SPTBN4: variants seen among roughly 807,000 people sequenced by gnomAD.
SPTBN4 encodes the protein spectrin beta, non-erythrocytic 4.
A neutral mutation model predicts 277.8 loss-of-function variants in SPTBN4; 96 were observed. The ratio of observed to expected loss-of-function variants is 0.35; its 90% CI spans 0.29 to 0.41. SPTBN4 has a LOEUF of 0.41. SPTBN4 is among the 10% of genes least tolerant of loss of function. SPTBN4 has a pLI of 1.00. For missense variants in SPTBN4, 3,006 were observed against 3,595.7 expected (o/e 0.84, Z 4.19); for synonymous variants, 1,481 against 1,580.3 (o/e 0.94, Z 1.49).
chr19:40,537,332 A>G (rs1231367684), intron 20 of SPTBN4, among the ~76,000 whole-genome samples: 1 of 152,200 alleles, frequency 6.6e-6, no homozygotes, highest in African/African-American at 2.4e-5. Context: ...TCATGTCTAG[A>G]ATAGAAGAGA....
In SPTBN4 at chr19:40,570,618, C is replaced by G. The variant is rs1599825691; in HGVS notation, c.7209C>G (p.Ala2403=). The G allele has an allele frequency of 1.4e-6, 2 of 1,460,998 alleles. No individual in the cohort carries two copies. Among genetic ancestry groups the G allele is most frequent in the South Asian group, 1.4e-5 (1 of 74,004 alleles). 90.5% of individuals were successfully genotyped at this position (1,460,998 alleles called of 1,614,324 possible). ...GGSRRSRSAP[A]QGGSAPAPPP... is the part of the protein sequence containing the mutation. The stretch of plus-strand genomic sequence containing the variant: ...GCCGGCGCTCGCGCTCCGCCCCGGC[C>G]CAGGGCGGCTCCGCCCCCGCGCCTC... The change falls in exon 33 of 36, where the codon GCC becomes GCG. Residue 2403 remains alanine (A), a synonymous_variant. Transcript: ENST00000598249.
rs897146250 is a variant in SPTBN4, at chr19:40,534,107, C to T, written c.4123C>T (p.Pro1375Ser). The change falls in exon 20 of 36, where the codon CCC becomes TCC. Residue 1375 changes from proline (P) to serine (S), a missense_variant. By Grantham distance (74) the Pro-to-Ser change is moderately conservative (BLOSUM62 -1). Coordinates refer to ENST00000598249, the MANE Select transcript of SPTBN4 (RefSeq NM_020971.3). Reference sequence around the variant, plus strand: ...GGGCCAGCAACTGATGCAGGAGAAGCCCGAACTGGCGGCCTCCGTGCGGAA... The same window carrying T: ...GGGCCAGCAACTGATGCAGGAGAAGTCCGAACTGGCGGCCTCCGTGCGGAA... ...REGQQLMQEK[P>S]ELAASVRKKL... is the part of the protein sequence containing the mutation. 2 of 1,607,452 alleles carry T rather than the reference C, an allele frequency of 1.2e-6. No homozygotes were observed. Among genetic ancestry groups the T allele is most frequent in the Non-Finnish European group, 1.7e-6 (2 of 1,175,182 alleles).
At position 40,570,251 on chromosome 19, in the gene SPTBN4, A is replaced by G. The variant is rs531298740; in HGVS notation, c.7027-185A>G. On this transcript the variant is annotated intron_variant, in intron 32 of 35. Transcript: ENST00000598249. ...AGATTCCAAACCAATGAGTCCTAAC[A>G]GACTCACTCCCAAGACCCATGGGGC... 2.1e-4 allele frequency among the ~76,000 whole-genome samples: 31 copies of G among 151,132 alleles called. No individual in the cohort carries two copies. The South Asian group carries it at 6.5e-3, about 32-fold the overall frequency.
chr19:40,495,733 C>T (rs984619755), intron 6 of SPTBN4, among the ~76,000 whole-genome samples: 2 of 152,042 alleles, frequency 1.3e-5, no homozygotes, highest in African/African-American at 4.8e-5. Flanking sequence ...CCCTGTACAC[C>T]CACGGATTCA....
At chr19:40,493,447 T>C (rs1162007621) in intron 5 of SPTBN4, among the ~76,000 whole-genome samples, 2 of 152,226 alleles carry the variant, frequency 1.3e-5, no homozygotes, top group African/African-American at 2.4e-5. Flanking sequence ...CAGTGTCTCA[T>C]GCCTGTCACT....
At chr19:40,538,812 A>T (rs1385281790) in intron 20 of SPTBN4, among the ~76,000 whole-genome samples, 1 of 151,718 alleles carries the variant, frequency 6.6e-6, no homozygotes, top group African/African-American at 2.4e-5. Context: ...CTGGTCTCAA[A>T]CTCCTGGCCT....
intron 20 of SPTBN4, among the ~76,000 whole-genome samples, chr19:40,538,509 C>G (rs2080764216): frequency 6.6e-6 from 1 of 152,220 alleles, no homozygotes; most frequent in South Asian, 2.1e-4. Flanking sequence ...CCTTTGTCAG[C>G]CAGGGCTGGC....
At chr19:40,472,823 G>A in intron 2 of SPTBN4, 33 bp downstream of exon 2, 8 of 1,508,180 alleles carry the variant, frequency 5.3e-6, no homozygotes, top group Non-Finnish European at 6.3e-6. Context: ...GGGATGAGGA[G>A]GAGGGGGAAG....
At chr19:40,516,589 C>T (rs1407679386) in intron 15 of SPTBN4, among the ~76,000 whole-genome samples, 1 of 152,100 alleles carries the variant, frequency 6.6e-6, no homozygotes, top group African/African-American at 2.4e-5. Flanking sequence ...TTTGGGAGGC[C>T]AAGGCAGGTG....
rs769738560 is a variant in SPTBN4 at position 40,554,788 on chromosome 19, G to T, written c.5084+142G>T. ...GTGCTGGAGCCCTCGAATTTGGCAAGTGGGCGGGCCGGAATGGGGGGACAC... is the reference window on the plus strand; with the variant it reads ...GTGCTGGAGCCCTCGAATTTGGCAATTGGGCGGGCCGGAATGGGGGGACAC... On this transcript the variant is annotated intron_variant, in intron 24 of 35. Transcript: ENST00000598249. This position sits in a 1 kb window ranked among gnomAD's most constrained non-coding sequence, Gnocchi z 5.7. 2 of 1,353,498 alleles carry T rather than the reference G, an allele frequency of 1.5e-6. No homozygotes were observed. Among genetic ancestry groups the T allele is most frequent in the Middle Eastern group, 3.6e-4 (2 of 5,574 alleles). 83.8% of individuals were successfully genotyped at this position (1,353,498 alleles called of 1,614,324 possible).
rs770193901 is a variant in SPTBN4 at position 40,532,729 on chromosome 19, C to G, written c.4053C>G (p.Ala1351=). Residue 1351 remains alanine (A), a synonymous_variant, in exon 19 of 36, where the codon GCC becomes GCG. Coordinates refer to ENST00000598249, the MANE Select transcript of SPTBN4 (RefSeq NM_020971.3). The part of the protein sequence containing the change: ...KRWLRHQAFM[A]ELAQNKEWLE... ...GGCTCCGGCACCAGGCATTCATGGC[C>G]GAGCTGGCTCAGAATAAGGAGTGGC... 5 of 1,613,384 alleles carry G rather than the reference C, an allele frequency of 3.1e-6. No individual in the cohort carries two copies. In the Admixed American group the frequency reaches 5.0e-5, roughly 16 times the overall value.
chr19:40,547,205 G>T (rs1483407935), intron 20 of SPTBN4, among the ~76,000 whole-genome samples: 1 of 128,008 alleles, frequency 7.8e-6, no homozygotes, highest in Non-Finnish European at 1.6e-5. Context: ...ACAGGCCCCG[G>T]TGTGTGATGT....
Position 40,472,911 on chromosome 19 carries a change from A to G in SPTBN4, c.169+121A>G, listed in dbSNP as rs1240080532. 3 of 1,010,110 alleles carry G rather than the reference A, an allele frequency of 3.0e-6. No homozygotes were observed. In the African/African-American group the frequency reaches 4.9e-5, roughly 16 times the overall value. 62.6% of individuals were successfully genotyped at this position (1,010,110 alleles called of 1,614,324 possible). On this transcript the variant is annotated intron_variant, in intron 2 of 35. Coordinates refer to ENST00000598249, the MANE Select transcript of SPTBN4 (RefSeq NM_020971.3). ...GCACTGTCCAATAGAACTTTCCATG[A>G]TGGTGGAAATAGTCTATATCCATAA...
chr19:40,493,141 C>A (rs2080157383), intron 5 of SPTBN4, 87 bp downstream of exon 5: 3 of 1,256,558 alleles, frequency 2.4e-6, no homozygotes, highest in African/African-American at 1.5e-5. Flanking sequence ...GCTCAAGGGG[C>A]AGCCCATGTC....
At position 40,554,306 on chromosome 19, in the gene SPTBN4, C is replaced by G. The variant is rs1385966056; in HGVS notation, c.4834C>G (p.Arg1612Gly). 3.2e-6 allele frequency: 5 copies of G among 1,543,048 alleles called. No individual in the cohort carries two copies. Among genetic ancestry groups the G allele is most frequent in the Non-Finnish European group, 4.3e-6 (5 of 1,150,716 alleles). ...AWAGLREAAERRQQVLDAAFQ... is the reference protein window; with the variant it reads ...AWAGLREAAEGRQQVLDAAFQ... ...GGCCGGACTGCGGGAGGCTGCCGAG[C>G]GACGGCAGCAGGTGCTGGACGCCGC... The change falls in exon 23 of 36, where the codon CGA becomes GGA. Residue 1612 changes from arginine to glycine, a missense_variant. By Grantham distance (125) the Arg-to-Gly change is moderately radical. Around this residue, in one of 5 missense-constraint regions of SPTBN4, gnomAD observed 1,759 missense variants for 2,061.5 expected, o/e 0.85. Transcript: ENST00000598249. The surrounding 1 kb of genome is among the most constrained non-coding windows in gnomAD (Gnocchi z 5.7).
At chr19:40,566,595 G>T (rs1034585826) in intron 30 of SPTBN4, among the ~76,000 whole-genome samples, 1 of 152,042 alleles carries the variant, frequency 6.6e-6, no homozygotes, top group South Asian at 2.1e-4. Flanking sequence ...TGCCTGGGAT[G>T]GGGGAGTGGG....
At chr19:40,558,037 G>C (rs1205406033) in intron 26 of SPTBN4, among the ~76,000 whole-genome samples, 1 of 151,920 alleles carries the variant, frequency 6.6e-6, no homozygotes, top group African/African-American at 2.4e-5. Context: ...AGTCTGAGAG[G>C]AATTTGGCTG....
intron 12 of SPTBN4, among the ~76,000 whole-genome samples, chr19:40,505,103 A>G (rs927218911): frequency 2.0e-5 from 3 of 151,206 alleles, no homozygotes; most frequent in African/African-American, 7.3e-5. Flanking sequence ...GATAGAAGCC[A>G]GCTGGGCATG....
intron 20 of SPTBN4, among the ~76,000 whole-genome samples, chr19:40,538,998 C>A (rs752654063): frequency 6.6e-6 from 1 of 152,212 alleles, no homozygotes; most frequent in Non-Finnish European, 1.5e-5. Context: ...GACAGGAGGG[C>A]TGGTCCATGC....
Sources: allele counts gnomAD v4.1 joint callset (sites outside exome capture counted in the v4.1 genomes callset), GRCh38; gene constraint gnomAD v4.1.1; regional missense constraint gnomAD v4.1.1; non-coding constraint Gnocchi (gnomAD v3.1); transcripts MANE v1.5; gene names NCBI Gene and HGNC (gene_info 2026-07-23, HGNC 2026-07-21).